CDH18: variants seen among roughly 807,000 people sequenced by gnomAD.
CDH18 encodes cadherin-18.
In CDH18, 31 loss-of-function variants were observed where a neutral mutation model predicts 67.9. The observed-to-expected ratio is 0.46, with a 90% CI of 0.34 to 0.62. The LOEUF is 0.62. CDH18 is among the 20% of genes least tolerant of loss of function. The pLI is 0.01. For synonymous variants in CDH18, 362 were observed against 347.2 expected (o/e 1.04, Z -0.48); for missense variants, 890 against 975.5 (o/e 0.91, Z 1.17).
intron 2 of CDH18, among the ~76,000 whole-genome samples, chr5:19,904,072 A>C (rs1376456661): frequency 6.6e-6 from 1 of 151,788 alleles, no homozygotes; most frequent in Non-Finnish European, 1.5e-5. Flanking sequence ...TCAGGAATTC[A>C]AGGGCAGGTT....
chr5:19,613,506 GT>G (rs1749331803), intron 5 of CDH18, among the ~76,000 whole-genome samples: 1 of 152,152 alleles, frequency 6.6e-6, no homozygotes, highest in East Asian at 1.9e-4. Flanking sequence ...AACTGATAAG[GT>G]TTATTCTATA....
At chr5:19,832,923 A>T (rs1338716380) in intron 3 of CDH18, among the ~76,000 whole-genome samples, 1 of 151,942 alleles carries the variant, frequency 6.6e-6, no homozygotes, top group Non-Finnish European at 1.5e-5. Flanking sequence ...TTTGGTTACT[A>T]TAGGTTTGTA....
intron 1 of CDH18, among the ~76,000 whole-genome samples, chr5:20,322,550 T>C (rs77335997): frequency 0.014 from 2,147 of 152,212 alleles, 55 homozygotes; most frequent in African/African-American, 0.048. Context: ...AACATCATTG[T>C]GTCATGGTAA....
chr5:20,419,568 C>T (rs1257413623), intron 1 of CDH18, among the ~76,000 whole-genome samples: 6 of 144,710 alleles, frequency 4.1e-5, no homozygotes, highest in Non-Finnish European at 6.0e-5. Context: ...CTCTGCCTCC[C>T]GGGTTCACGC....
At chr5:20,511,945 C>T (rs960303118) in intron 1 of CDH18, among the ~76,000 whole-genome samples, 1 of 152,064 alleles carries the variant, frequency 6.6e-6, no homozygotes, top group Non-Finnish European at 1.5e-5. Flanking sequence ...ATTTAAAAAA[C>T]AGGCTGGGTG....
chr5:19,759,902 G>A (rs780319732), intron 3 of CDH18, among the ~76,000 whole-genome samples: 2 of 152,136 alleles, frequency 1.3e-5, no homozygotes, highest in Non-Finnish European at 2.9e-5. Context: ...AATGAATTGA[G>A]GGGCCATGAT....
At chr5:19,854,143 G>A (rs1784012759) in intron 2 of CDH18, among the ~76,000 whole-genome samples, 1 of 151,968 alleles carries the variant, frequency 6.6e-6, no homozygotes, top group African/African-American at 2.4e-5. Flanking sequence ...TTTTGGAAGG[G>A]CTTTTAAACA....
intron 2 of CDH18, among the ~76,000 whole-genome samples, chr5:19,871,462 C>T (rs1020815476): frequency 5.9e-5 from 9 of 152,162 alleles, no homozygotes; most frequent in Admixed American, 1.3e-4. Context: ...CAAAGCAAAG[C>T]GAAATGAAAT....
intron 1 of CDH18, among the ~76,000 whole-genome samples, chr5:20,544,568 GGA>G (rs370523244): frequency 2.9e-5 from 4 of 138,936 alleles, no homozygotes; most frequent in Non-Finnish European, 4.4e-5. Flanking sequence ...ACATGGCAGA[GGA>G]GAGAGAGAGA....
chr5:19,806,267 C>A (rs542373786), intron 3 of CDH18, among the ~76,000 whole-genome samples: 1 of 152,220 alleles, frequency 6.6e-6, no homozygotes, highest in Non-Finnish European at 1.5e-5. Flanking sequence ...GCGTGTTCAG[C>A]ACTGCTGTTG....
intron 1 of CDH18, among the ~76,000 whole-genome samples, chr5:20,524,230 A>G: frequency 6.6e-6 from 1 of 152,210 alleles, no homozygotes; most frequent in East Asian, 1.9e-4. Context: ...TGTTTAACAA[A>G]CAAACTTTTC....
At chr5:20,122,515 C>T (rs558218868) in intron 2 of CDH18, among the ~76,000 whole-genome samples, 2 of 152,038 alleles carry the variant, frequency 1.3e-5, no homozygotes, top group South Asian at 4.2e-4. Context: ...TTTTGAGTTC[C>T]AGAAATGTGT....
At chr5:19,538,690 T>C (rs1465975770) in intron 9 of CDH18, among the ~76,000 whole-genome samples, 2 of 152,124 alleles carry the variant, frequency 1.3e-5, no homozygotes, top group Non-Finnish European at 1.5e-5. Context: ...ATATTTCTAT[T>C]GATATCTTGT....
At chr5:19,749,298 T>C (rs1770521708) in intron 3 of CDH18, among the ~76,000 whole-genome samples, 1 of 151,822 alleles carries the variant, frequency 6.6e-6, no homozygotes, top group South Asian at 2.1e-4. Flanking sequence ...AAAGGTGAGA[T>C]AGTTTGGTAA....
intron 2 of CDH18, among the ~76,000 whole-genome samples, chr5:19,883,851 A>C (rs1212818934): frequency 6.6e-6 from 1 of 152,142 alleles, no homozygotes; most frequent in Non-Finnish European, 1.5e-5. Flanking sequence ...TCAATATTAA[A>C]ATAATACTTT....
intron 5 of CDH18, among the ~76,000 whole-genome samples, chr5:19,618,465 C>T (rs780546983): frequency 1.3e-4 from 20 of 152,264 alleles, no homozygotes; most frequent in Admixed American, 2.6e-4. Flanking sequence ...TTTGGCCTCC[C>T]GAAGTGCTGG....
intron 2 of CDH18, among the ~76,000 whole-genome samples, chr5:20,188,493 C>T (rs1391120876): frequency 1.3e-5 from 2 of 151,942 alleles, no homozygotes; most frequent in Non-Finnish European, 2.9e-5. Context: ...TCATCATCAT[C>T]ATTATCTTCA....
At chr5:20,483,766 A>T (rs1471777833) in intron 1 of CDH18, among the ~76,000 whole-genome samples, 1 of 152,040 alleles carries the variant, frequency 6.6e-6, no homozygotes, top group East Asian at 1.9e-4. Context: ...CTTGCCATAT[A>T]GATCAGTTCA....
chr5:19,539,163 C>T (rs112908159), intron 9 of CDH18, among the ~76,000 whole-genome samples: 3 of 152,234 alleles, frequency 2.0e-5, no homozygotes, highest in African/African-American at 7.2e-5. Context: ...TTCTATACAC[C>T]TGTTTATGAT....
Sources: gnomAD v4.1 joint callset for allele counts (sites outside exome capture counted in the v4.1 genomes callset) on GRCh38, gnomAD v4.1.1 for gene constraint, MANE v1.5 for transcripts, NCBI Gene and HGNC (gene_info 2026-07-23, HGNC 2026-07-21) for gene names.